The following GRHL2 variants were observed in gnomAD, a reference collection of about 807,000 sequenced individuals.
GRHL2 encodes the protein grainyhead like transcription factor 2.
Under a neutral mutation model 83.8 loss-of-function variants are expected in GRHL2, and 21 were observed. The ratio of observed to expected loss-of-function variants is 0.25; its 90% CI spans 0.18 to 0.36. GRHL2 has a LOEUF of 0.36. GRHL2 is among the 10% of genes least tolerant of loss of function. GRHL2 has a pLI of 1.00. For synonymous variants in GRHL2, 280 were observed against 278.9 expected (o/e 1.00, Z -0.04); for missense variants, 623 against 781.8 (o/e 0.80, Z 2.42).
chr8:101,604,019 C>CCA (rs1391152533), intron 8 of GRHL2, among the ~76,000 whole-genome samples: 1 of 91,800 alleles, frequency 1.1e-5, no homozygotes, highest in African/African-American at 4.0e-5. Context: ...TTTTTTTTTG[C>CCA]AAAAAAAAAA....
intron 14 of GRHL2, among the ~76,000 whole-genome samples, chr8:101,653,338 G>T (rs957709551): frequency 6.6e-6 from 1 of 152,130 alleles, no homozygotes; most frequent in South Asian, 2.1e-4. Context: ...TTAAGAAAAC[G>T]TGATTAATCA....
At chr8:101,631,780 A>G in intron 10 of GRHL2, 56 bp downstream of exon 10, 1 of 1,386,386 alleles carries the variant, frequency 7.2e-7, no homozygotes, top group Non-Finnish European at 1.0e-6. Flanking sequence ...GGCTGTGTCC[A>G]CTGGGGGAAC....
chr8:101,663,496 C>G (rs1416379545), intron 14 of GRHL2, among the ~76,000 whole-genome samples: 1 of 151,948 alleles, frequency 6.6e-6, no homozygotes, highest in Non-Finnish European at 1.5e-5. Flanking sequence ...CCTGTAGTCC[C>G]AGCTACTCAG....
At chr8:101,672,154 C>G (rs971182532), downstream of GRHL2, among the ~76,000 whole-genome samples, 1 of 151,730 alleles carries the variant, frequency 6.6e-6, no homozygotes, top group African/African-American at 2.4e-5. Flanking sequence ...CACCTCTCCT[C>G]CTCCAAAGGA....
intron 9 of GRHL2, among the ~76,000 whole-genome samples, chr8:101,626,896 GC>G (rs1586155029): frequency 6.6e-6 from 1 of 152,064 alleles, no homozygotes; most frequent in East Asian, 1.9e-4. Flanking sequence ...ATGTATCGAA[GC>G]TTCCCGGGGT....
intron 4 of GRHL2, among the ~76,000 whole-genome samples, chr8:101,560,753 AG>A (rs1811591628): frequency 6.6e-6 from 1 of 152,148 alleles, no homozygotes; most frequent in Admixed American, 6.5e-5. Flanking sequence ...ATGTGTAGTG[AG>A]GTTGAACATC....
At chr8:101,666,562 T>C (rs1563634793) in intron 15 of GRHL2, 27 bp from the exon 16 acceptor site, 5 of 1,410,556 alleles carry the variant, frequency 3.5e-6, no homozygotes, top group Non-Finnish European at 3.0e-6. Flanking sequence ...GTCTTTGTTT[T>C]TCACACCCCT....
At chr8:101,542,817 A>G (rs759589895) in intron 1 of GRHL2, 6 of 456,692 alleles carry the variant, frequency 1.3e-5, no homozygotes, top group South Asian at 4.6e-5. Flanking sequence ...TAAGATGGAA[A>G]GAGAGCAAGA....
At chr8:101,515,528 C>G (rs1056821652) in intron 1 of GRHL2, among the ~76,000 whole-genome samples, 3 of 152,174 alleles carry the variant, frequency 2.0e-5, no homozygotes, top group Non-Finnish European at 4.4e-5. Context: ...TGTTGAAAAC[C>G]AAGACGTGTT....
chr8:101,676,513 A>G, the GRHL2 span, among the ~76,000 whole-genome samples: 1 of 152,208 alleles, frequency 6.6e-6, no homozygotes, highest in Non-Finnish European at 1.5e-5. Flanking sequence ...ACAATGAGAT[A>G]CCATCTCACA....
At position 101,551,358 on chromosome 8, in the gene GRHL2, G is replaced by C. The variant is rs145679384; in HGVS notation, c.217-1357G>C. ...TTTTTCAGATGAGGAAAGTGGGACA[G>C]AGTTTACTGAGTGGTAGAGATGAGA... On this transcript the variant is annotated intron_variant, in intron 2 of 15. Transcript: ENST00000646743. 7.7e-3 allele frequency among the ~76,000 whole-genome samples: 1,172 copies of C among 152,308 alleles called. 16 individuals are homozygous for C. Among genetic ancestry groups the C allele is most frequent in the African/African-American group, 0.027 (1,103 of 41,562 alleles).
At chr8:101,529,301 C>T (rs1810871329) in intron 1 of GRHL2, among the ~76,000 whole-genome samples, 1 of 152,064 alleles carries the variant, frequency 6.6e-6, no homozygotes, top group Non-Finnish European at 1.5e-5. Context: ...GGCATGGTGG[C>T]ATGTGCTTGT....
At chr8:101,626,786 A>C (rs1813089251) in intron 9 of GRHL2, among the ~76,000 whole-genome samples, 1 of 152,116 alleles carries the variant, frequency 6.6e-6, no homozygotes, top group Admixed American at 6.6e-5. Context: ...ATAACAGTAG[A>C]AAGAATATTT....
chr8:101,545,816 C>A (rs1311713256), intron 2 of GRHL2, among the ~76,000 whole-genome samples: 1 of 141,212 alleles, frequency 7.1e-6, no homozygotes, highest in Non-Finnish European at 1.5e-5. Flanking sequence ...ATAAATATAT[C>A]TTTAAAGTGA....
At chr8:101,597,068 C>T (rs184145004) in intron 7 of GRHL2, among the ~76,000 whole-genome samples, 116 of 152,232 alleles carry the variant, frequency 7.6e-4, no homozygotes, top group Middle Eastern at 6.8e-3. Context: ...GCCTTGTGCT[C>T]ATCAGATTAG....
chr8:101,601,786 GAA>G (rs1195985737), intron 8 of GRHL2, among the ~76,000 whole-genome samples: 1 of 152,168 alleles, frequency 6.6e-6, no homozygotes, highest in Non-Finnish European at 1.5e-5. Context: ...CCAGACTACT[GAA>G]GAGCATTTAA....
intron 7 of GRHL2, among the ~76,000 whole-genome samples, chr8:101,586,496 T>G (rs1812174717): frequency 6.6e-6 from 1 of 152,148 alleles, no homozygotes; most frequent in Admixed American, 6.5e-5. Context: ...GGGTAAGATC[T>G]TCTTAATCTT....
intron 15 of GRHL2, among the ~76,000 whole-genome samples, chr8:101,664,848 C>G (rs1217313204): frequency 6.6e-6 from 1 of 151,950 alleles, no homozygotes; most frequent in Non-Finnish European, 1.5e-5. Context: ...TATAGGGAAT[C>G]ACGTATGGCC....
intron 7 of GRHL2, among the ~76,000 whole-genome samples, chr8:101,590,643 A>G (rs1812261652): frequency 6.6e-6 from 1 of 152,184 alleles, no homozygotes. Flanking sequence ...GAGGGACGGA[A>G]AATTAAATTC....
Sources: allele counts gnomAD v4.1 joint callset (sites outside exome capture counted in the v4.1 genomes callset), GRCh38; gene constraint gnomAD v4.1.1; transcripts MANE v1.5; gene names NCBI Gene and HGNC (gene_info 2026-07-23, HGNC 2026-07-21).